UNC79: variants seen among roughly 807,000 people sequenced by gnomAD.
UNC79 encodes the protein unc-79 subunit of NALCN channel complex.
In UNC79, 37 loss-of-function variants were observed where a neutral mutation model predicts 283.1. The ratio of observed to expected loss-of-function variants is 0.13; its 90% CI spans 0.10 to 0.17. The LOEUF (loss-of-function observed/expected upper bound fraction) is 0.17. Among genes scored for constraint, UNC79 ranks in the 10% least tolerant of loss-of-function variants. UNC79 has a pLI of 1.00. For missense variants in UNC79, 2,272 were observed against 3,211.1 expected (o/e 0.71, Z 7.07); for synonymous variants, 1,107 against 1,200.2 (o/e 0.92, Z 1.61).
chr14:93,333,732 T>C (rs1566873811), intron 1 of UNC79, among the ~76,000 whole-genome samples: 1 of 152,184 alleles, frequency 6.6e-6, no homozygotes, highest in Non-Finnish European at 1.5e-5. Context: ...TTGCAATAAT[T>C]TCAGCGATGC....
chr14:93,496,489 C>T, intron 6 of UNC79, 23 bp downstream of exon 6: 2 of 1,491,074 alleles, frequency 1.3e-6, no homozygotes, highest in Admixed American at 2.5e-5. Flanking sequence ...TCAAATTTAA[C>T]CCATAGTCAC....
chr14:93,696,410 G>A (rs2075132042), intron 47 of UNC79, among the ~76,000 whole-genome samples: 1 of 152,148 alleles, frequency 6.6e-6, no homozygotes, highest in Non-Finnish European at 1.5e-5. Flanking sequence ...CAAAGCTGTT[G>A]TGCTCTGTTA....
At chr14:93,413,640 C>A in intron 1 of UNC79, among the ~76,000 whole-genome samples, 2 of 99,346 alleles carry the variant, frequency 2.0e-5, no homozygotes, top group South Asian at 3.5e-4. Flanking sequence ...TACAGTCCCA[C>A]CAACAGTGTA....
At chr14:93,515,530 AT>A (rs1260990289) in intron 7 of UNC79, among the ~76,000 whole-genome samples, 1 of 152,118 alleles carries the variant, frequency 6.6e-6, no homozygotes, top group Non-Finnish European at 1.5e-5. Context: ...AGTATGATGG[AT>A]TCCTTCAGAG....
chr14:93,530,636 G>A (rs1270195683), intron 10 of UNC79, among the ~76,000 whole-genome samples: 4 of 151,746 alleles, frequency 2.6e-5, no homozygotes, highest in East Asian at 1.9e-4. Flanking sequence ...CAGGCCGGGC[G>A]CGGTGGCTCA....
At chr14:93,423,742 A>G (rs892473352) in intron 1 of UNC79, among the ~76,000 whole-genome samples, 25 of 152,356 alleles carry the variant, frequency 1.6e-4, no homozygotes, top group African/African-American at 5.5e-4. Context: ...TAAATTTAAG[A>G]CTTCCAACAA....
At chr14:93,426,711 G>T (rs1468542902), upstream of UNC79, among the ~76,000 whole-genome samples, 2 of 151,652 alleles carry the variant, frequency 1.3e-5, no homozygotes, top group Non-Finnish European at 1.5e-5. Flanking sequence ...ATTTCCAATG[G>T]TTTTTTAAAA....
chr14:93,344,028 TG>T (rs2053772131), intron 1 of UNC79, among the ~76,000 whole-genome samples: 1 of 57,170 alleles, frequency 1.7e-5, no homozygotes, highest in Non-Finnish European at 3.5e-5. Context: ...TCTCCTGGGG[TG>T]GGGGTGGGTG....
chr14:93,659,026 T>C (rs2071255064), intron 38 of UNC79, among the ~76,000 whole-genome samples, 167 bp from the exon 42 acceptor site: 1 of 152,244 alleles, frequency 6.6e-6, no homozygotes, highest in South Asian at 2.1e-4. Context: ...TGTTTTAACC[T>C]GAGAATGACT....
At chr14:93,657,625 A>G (rs1245770121) in intron 38 of UNC79, among the ~76,000 whole-genome samples, 1 of 152,128 alleles carries the variant, frequency 6.6e-6, no homozygotes, top group Non-Finnish European at 1.5e-5. Context: ...TGCTGGGATT[A>G]CAGGCGTGAG....
chr14:93,694,520 G>C (rs2074948636), intron 47 of UNC79, 108 bp downstream of exon 50: 1 of 1,066,426 alleles, frequency 9.4e-7, no homozygotes, highest in Admixed American at 2.1e-5. Context: ...ATTCAGAGTT[G>C]GGGCTGGAGA....
At chr14:93,565,572 A>C (rs932946546) in intron 14 of UNC79, among the ~76,000 whole-genome samples, 3 of 152,118 alleles carry the variant, frequency 2.0e-5, no homozygotes, top group African/African-American at 7.2e-5. Context: ...TTGAAAATGG[A>C]CCACCATATA....
intron 11 of UNC79, among the ~76,000 whole-genome samples, chr14:93,536,475 T>A (rs2061081160): frequency 6.6e-6 from 1 of 152,188 alleles, no homozygotes; most frequent in Non-Finnish European, 1.5e-5. Context: ...TATCAGCCTA[T>A]TTTTTGCTTA....
At chr14:93,580,428 C>T (rs751675602) in intron 19 of UNC79, 52 bp downstream of exon 19, 15 of 1,531,818 alleles carry the variant, frequency 9.8e-6, no homozygotes, top group Admixed American at 1.9e-5. Flanking sequence ...TTAAAGACTG[C>T]AGTAGCTGAT....
Position 93,622,326 on chromosome 14 carries a change from C to T in UNC79, c.5093C>T (p.Ser1698Phe). The T allele has an allele frequency of 1.9e-6, 3 of 1,614,138 alleles. No individual in the cohort carries two copies. In the South Asian group the frequency reaches 3.3e-5, roughly 18 times the overall value. ...GAGGATTGTTCCAAAGACTTTTCTTCTAAGGACTCAGGAAATAATCAGTCA... is the reference window on the plus strand; with the variant it reads ...GAGGATTGTTCCAAAGACTTTTCTTTTAAGGACTCAGGAAATAATCAGTCA... Residue 1698 changes from serine (S) to phenylalanine (F), a missense_variant, in exon 30 of 49, where the codon TCT (serine) becomes TTT (phenylalanine). Physicochemically the swap from Ser to Phe is radical, Grantham distance 155 (BLOSUM62 -2). Transcript: ENST00000555664.
At chr14:93,562,587 C>CCTTT (rs1227021097) in intron 14 of UNC79, among the ~76,000 whole-genome samples, 29 of 152,242 alleles carry the variant, frequency 1.9e-4, no homozygotes, top group African/African-American at 7.0e-4. Context: ...GTCTGTTCTA[C>CCTTT]CTTTCCTGAA....
At chr14:93,575,664 C>T (rs1357889354) in intron 17 of UNC79, among the ~76,000 whole-genome samples, 1 of 152,096 alleles carries the variant, frequency 6.6e-6, no homozygotes. Flanking sequence ...TTTATTGACC[C>T]CTTTGCATCA....
At chr14:93,582,041 T>G (rs1378671106) in intron 19 of UNC79, among the ~76,000 whole-genome samples, 162 bp from the exon 20 acceptor site, 1 of 152,248 alleles carries the variant, frequency 6.6e-6, no homozygotes, top group Non-Finnish European at 1.5e-5. Flanking sequence ...GTTCCAGCAA[T>G]AAGCTCCAGG....
Position 93,381,318 on chromosome 14 carries a change from C to T in UNC79, c.-351+47795C>T, listed in dbSNP as rs117537107. On this transcript the variant is annotated intron_variant, in intron 1 of 49. Transcript: ENST00000256339. ...GACGGATGTTGGGGTTGTGACTCCC[C>T]CCAGAAGGAGTGTGGGTGCTTTTCC... 2.6e-3 allele frequency among the ~76,000 whole-genome samples: 397 copies of T among 152,258 alleles called. 7 individuals are homozygous for T. In the East Asian group the frequency reaches 0.043, roughly 17 times the overall value.
Sources: allele counts gnomAD v4.1 joint callset (sites outside exome capture counted in the v4.1 genomes callset), GRCh38; gene constraint gnomAD v4.1.1; transcripts MANE v1.5; gene names NCBI Gene and HGNC (gene_info 2026-07-23, HGNC 2026-07-21).